Variants in ATRNL1 observed in about 807,000 individuals in gnomAD.
ATRNL1 encodes attractin like 1.
ATRNL1 carries 95 observed loss-of-function variants against 182.7 expected under a neutral mutation model. The observed-to-expected ratio is 0.52, with a 90% CI of 0.44 to 0.62. The LOEUF is 0.62. Among genes scored for constraint, ATRNL1 ranks in the 20% least tolerant of loss-of-function variants. The probability of loss-of-function intolerance (pLI) is 0.00; values close to 1 mark genes in which losing one functional copy is unlikely to be tolerated. For missense variants in ATRNL1, 1,471 were observed against 1,679.5 expected (o/e 0.88, Z 2.17); for synonymous variants, 576 against 568.3 (o/e 1.01, Z -0.19).
chr10:115,117,614 C>T (rs538114255), intron 1 of ATRNL1, among the ~76,000 whole-genome samples: 14 of 152,146 alleles, frequency 9.2e-5, no homozygotes, highest in Admixed American at 1.3e-4. Flanking sequence ...TTGATGGACA[C>T]GTAGGTTGCT....
At chr10:115,843,087 CATTT>C (rs1555097685) in intron 27 of ATRNL1, among the ~76,000 whole-genome samples, 1 of 152,090 alleles carries the variant, frequency 6.6e-6, no homozygotes, top group Non-Finnish European at 1.5e-5. Context: ...GTGACAACTT[CATTT>C]ATTCATTCAT....
chr10:115,793,369 G>A (rs1248754129), intron 27 of ATRNL1, among the ~76,000 whole-genome samples: 1 of 152,016 alleles, frequency 6.6e-6, no homozygotes, highest in African/African-American at 2.4e-5. Flanking sequence ...TTGCCCATCT[G>A]GCAAAGGTTG....
intron 26 of ATRNL1, among the ~76,000 whole-genome samples, chr10:115,601,746 T>G (rs1015878156): frequency 2.6e-5 from 4 of 152,174 alleles, no homozygotes; most frequent in African/African-American, 4.8e-5. Flanking sequence ...CTTGTCTGCT[T>G]ATTTAATTTA....
intron 18 of ATRNL1, among the ~76,000 whole-genome samples, chr10:115,317,762 C>A (rs896204277): frequency 6.6e-6 from 1 of 152,152 alleles, no homozygotes. Flanking sequence ...TGAGACTTTG[C>A]TGAAGTTGAT....
At chr10:115,576,274 C>A (rs968876164) in intron 26 of ATRNL1, among the ~76,000 whole-genome samples, 27 of 151,892 alleles carry the variant, frequency 1.8e-4, no homozygotes, top group Non-Finnish European at 8.8e-5. Context: ...GATTTCTGAG[C>A]CATAGGATAA....
At chr10:115,597,473 C>T (rs1425983120) in intron 26 of ATRNL1, 5 of 329,446 alleles carry the variant, frequency 1.5e-5, no homozygotes, top group South Asian at 2.3e-5. Flanking sequence ...AAATGGCAAT[C>T]GAATACAAAT....
chr10:115,643,264 G>A (rs189358041), intron 26 of ATRNL1, among the ~76,000 whole-genome samples: 1 of 152,090 alleles, frequency 6.6e-6, no homozygotes, highest in Admixed American at 6.6e-5. Context: ...GAACAATTGG[G>A]TATAAATATG....
intron 9 of ATRNL1, among the ~76,000 whole-genome samples, chr10:115,227,732 A>T (rs1258187317): frequency 6.6e-6 from 1 of 152,234 alleles, no homozygotes; most frequent in Non-Finnish European, 1.5e-5. Flanking sequence ...AATGTTATGC[A>T]GTCATAAAGA....
At chr10:115,812,450 A>G (rs1405867575) in intron 27 of ATRNL1, among the ~76,000 whole-genome samples, 5 of 152,056 alleles carry the variant, frequency 3.3e-5, no homozygotes, top group African/African-American at 1.2e-4. Context: ...CCAATTTTTT[A>G]TACCCCACTG....
At chr10:115,574,243 GTTATATATACATAACTACAT>G (rs1170465405) in intron 26 of ATRNL1, among the ~76,000 whole-genome samples, 5 of 150,542 alleles carry the variant, frequency 3.3e-5, no homozygotes, top group African/African-American at 9.8e-5. Flanking sequence ...TATAACTACA[GTTATATATACATAACTACAT>G]ATGTACATGT....
chr10:115,245,755 G>T (rs1440953483), intron 10 of ATRNL1, among the ~76,000 whole-genome samples: 2 of 151,824 alleles, frequency 1.3e-5, no homozygotes, highest in African/African-American at 2.4e-5. Flanking sequence ...TTTTCTGGAG[G>T]TTATTTTATT....
At chr10:115,189,058 A>G (rs1189314942) in intron 8 of ATRNL1, among the ~76,000 whole-genome samples, 1 of 152,154 alleles carries the variant, frequency 6.6e-6, no homozygotes, top group Non-Finnish European at 1.5e-5. Context: ...TCAATTAATC[A>G]CAGACTGAAT....
intron 26 of ATRNL1, among the ~76,000 whole-genome samples, chr10:115,613,101 C>T (rs960880184): frequency 2.6e-5 from 4 of 152,144 alleles, no homozygotes; most frequent in African/African-American, 7.2e-5. Flanking sequence ...AACCCTGTAT[C>T]TCTGATTAAT....
chr10:115,390,239 T>C (rs534426757), intron 19 of ATRNL1, among the ~76,000 whole-genome samples: 197 of 152,320 alleles, frequency 1.3e-3, no homozygotes, highest in Middle Eastern at 3.4e-3. Context: ...TTGTTTTGCA[T>C]GTGCTTTTGG....
At chr10:115,299,436 A>G (rs782487908) in intron 15 of ATRNL1, among the ~76,000 whole-genome samples, 2 of 152,066 alleles carry the variant, frequency 1.3e-5, no homozygotes, top group Non-Finnish European at 2.9e-5. Flanking sequence ...TGTTAATAAA[A>G]TTATATGACA....
At chr10:115,368,364 G>T (rs1857186188) in intron 19 of ATRNL1, among the ~76,000 whole-genome samples, 1 of 152,212 alleles carries the variant, frequency 6.6e-6, no homozygotes, top group South Asian at 2.1e-4. Flanking sequence ...GTGAGGCAAA[G>T]CCTCGCCCTG....
chr10:115,463,911 A>G (rs1847932143), intron 22 of ATRNL1, among the ~76,000 whole-genome samples: 1 of 152,066 alleles, frequency 6.6e-6, no homozygotes, highest in Non-Finnish European at 1.5e-5. Flanking sequence ...ATTTGATGTA[A>G]GAGAGATATC....
chr10:115,852,044 C>T (rs1555100663), intron 28 of ATRNL1, among the ~76,000 whole-genome samples: 1 of 152,140 alleles, frequency 6.6e-6, no homozygotes, highest in African/African-American at 2.4e-5. Context: ...ATAATGATTG[C>T]TGTCACTTTG....
chr10:115,780,972 T>C (rs1555079189), intron 27 of ATRNL1, among the ~76,000 whole-genome samples: 1 of 152,178 alleles, frequency 6.6e-6, no homozygotes, highest in East Asian at 1.9e-4. Flanking sequence ...GAAGTTCTCA[T>C]ATACATCTAT....
Sources: allele counts gnomAD v4.1 joint callset (sites outside exome capture counted in the v4.1 genomes callset), GRCh38; gene constraint gnomAD v4.1.1; transcripts MANE v1.5; gene names NCBI Gene and HGNC (gene_info 2026-07-23, HGNC 2026-07-21).